LYRM4: variants seen among roughly 807,000 people sequenced by gnomAD.
The protein encoded by LYRM4 is LYR motif containing 4.
LYRM4 carries 9 observed loss-of-function variants against 11.7 expected under a neutral mutation model. The observed-to-expected ratio is 0.77, with a 90% CI of 0.46 to 1.34. The LOEUF (loss-of-function observed/expected upper bound fraction) is 1.34, where lower values mean the gene tolerates loss of function less well. Among genes scored for constraint, LYRM4 ranks in the 40% most tolerant of loss-of-function variants. The pLI is 0.00. For missense variants in LYRM4, 133 were observed against 112.5 expected (o/e 1.18, Z -0.82); for synonymous variants, 42 against 40.4 (o/e 1.04, Z -0.15).
At chr6:5,111,110 C>T (rs942491032) in intron 2 of LYRM4, among the ~76,000 whole-genome samples, 4 of 152,046 alleles carry the variant, frequency 2.6e-5, no homozygotes, top group East Asian at 1.9e-4. Flanking sequence ...TGTCCTCCAC[C>T]CTGAATAGTA....
intron 2 of LYRM4, among the ~76,000 whole-genome samples, chr6:5,145,333 C>T (rs573706991): frequency 3.4e-4 from 52 of 152,226 alleles, no homozygotes; most frequent in Non-Finnish European, 7.2e-4. Flanking sequence ...GTGGGGGGCA[C>T]GCGCCTGTGT....
intron 1 of LYRM4, among the ~76,000 whole-genome samples, chr6:5,223,232 CCA>C (rs1762689023): frequency 6.6e-6 from 1 of 152,314 alleles, no homozygotes; most frequent in Non-Finnish European, 1.5e-5. Context: ...GGGCTGCTTT[CCA>C]CAGTCATTTG....
chr6:5,036,942 CCT>C, the LYRM4 span, among the ~76,000 whole-genome samples: 1 of 151,976 alleles, frequency 6.6e-6, no homozygotes, highest in Non-Finnish European at 1.5e-5. Context: ...TTCAAAGTCC[CCT>C]GTTATCTAGG....
At chr6:5,035,477 C>T in the LYRM4 span, among the ~76,000 whole-genome samples, 15 of 151,070 alleles carry the variant, frequency 9.9e-5, no homozygotes, top group South Asian at 1.1e-3. Flanking sequence ...CAGCGGGATC[C>T]GTCACACTCT....
chr6:5,227,591 C>T (rs1762967647), intron 1 of LYRM4, among the ~76,000 whole-genome samples: 1 of 152,146 alleles, frequency 6.6e-6, no homozygotes, highest in Non-Finnish European at 1.5e-5. Context: ...CCTCAAGGAT[C>T]TAGAACCAGA....
In LYRM4 at chr6:5,162,021, G is replaced by GA. The variant is rs991227946; in HGVS notation, c.208-52531dup. On this transcript the variant is annotated intron_variant, in intron 2 of 2. Transcript: ENST00000330636. The stretch of plus-strand genomic sequence containing the variant: ...TTCCCAGGATTTACAACAACCCCCA[G>GA]AAAAAAAGTGTAAAAAGAACTCCTC... 1.9e-4 allele frequency among the ~76,000 whole-genome samples: 29 copies of GA among 152,126 alleles called. 1 individual carries two copies. The highest frequency in any genetic ancestry group is 1.6e-3 in the Admixed American group (25 of 15,278).
chr6:5,096,043 C>G, the LYRM4 span, among the ~76,000 whole-genome samples: 1 of 152,080 alleles, frequency 6.6e-6, no homozygotes, highest in Non-Finnish European at 1.5e-5. Context: ...AGTAGATTTC[C>G]TGATTTTGAC....
At chr6:5,127,656 G>T (rs1763757506) in intron 2 of LYRM4, among the ~76,000 whole-genome samples, 1 of 152,168 alleles carries the variant, frequency 6.6e-6, no homozygotes, top group East Asian at 1.9e-4. Context: ...TTGCTTAAAT[G>T]ACAATCTTTT....
the LYRM4 span, chr6:5,086,907 C>G: frequency 2.9e-6 from 1 of 347,158 alleles, no homozygotes. Flanking sequence ...AACTCCCGGG[C>G]ATGGTTCTAA....
intron 2 of LYRM4, among the ~76,000 whole-genome samples, chr6:5,216,110 T>C (rs1462980639): frequency 6.6e-6 from 1 of 152,164 alleles, no homozygotes; most frequent in East Asian, 1.9e-4. Flanking sequence ...TCCAGGTTCC[T>C]TTATGGGGTC....
intron 2 of LYRM4, among the ~76,000 whole-genome samples, chr6:5,214,472 A>C (rs1762155401): frequency 6.6e-6 from 1 of 152,182 alleles, no homozygotes; most frequent in Non-Finnish European, 1.5e-5. Flanking sequence ...GTCACGAAGC[A>C]AGAGCCTTGA....
downstream of LYRM4, among the ~76,000 whole-genome samples, chr6:5,099,674 C>T (rs1762442591): frequency 6.6e-6 from 1 of 152,096 alleles, no homozygotes; most frequent in Non-Finnish European, 1.5e-5. The surrounding 1 kb of genome is among the most constrained non-coding windows in gnomAD (Gnocchi z 4.3). Flanking sequence ...AACTCCTGGC[C>T]TCGAGCAATC....
the LYRM4 span, among the ~76,000 whole-genome samples, chr6:5,067,424 T>C: frequency 6.6e-6 from 1 of 152,234 alleles, no homozygotes; most frequent in East Asian, 1.9e-4. Context: ...TTAAATCCGC[T>C]TCCAAGGAGG....
At chr6:5,107,023 A>G (rs1762681655), downstream of LYRM4, 1 of 152,286 alleles carries the variant, frequency 6.6e-6, no homozygotes, top group Non-Finnish European at 1.5e-5. Context: ...TCAGTTGGGG[A>G]GTACCCAGTG....
chr6:5,064,963 G>A, the LYRM4 span, among the ~76,000 whole-genome samples: 1 of 152,062 alleles, frequency 6.6e-6, no homozygotes, highest in South Asian at 2.1e-4. Context: ...ATAATGTTAC[G>A]TATCCACCAT....
chr6:5,154,956 A>ACAAT (rs1177947862), intron 2 of LYRM4, among the ~76,000 whole-genome samples: 2 of 152,218 alleles, frequency 1.3e-5, no homozygotes, highest in African/African-American at 4.8e-5. Flanking sequence ...CTTTTAATAA[A>ACAAT]CAATGCCGTT....
intron 2 of LYRM4, among the ~76,000 whole-genome samples, chr6:5,211,546 T>G (rs754997259): frequency 1.3e-5 from 2 of 152,242 alleles, no homozygotes; most frequent in Non-Finnish European, 2.9e-5. Flanking sequence ...CCAATGATCT[T>G]TAATGGCTGT....
intron 1 of LYRM4, among the ~76,000 whole-genome samples, chr6:5,227,339 A>G (rs36040167): frequency 0.02 from 3,087 of 152,296 alleles, 106 homozygotes; most frequent in African/African-American, 0.068. Flanking sequence ...GCAGGCAGAG[A>G]AGGATCTATG....
chr6:5,094,833 C>T, the LYRM4 span, among the ~76,000 whole-genome samples: 1 of 152,030 alleles, frequency 6.6e-6, no homozygotes, highest in Non-Finnish European at 1.5e-5. Flanking sequence ...TAAAAGGGAT[C>T]GCTGAAGGGG....
Sources: allele counts gnomAD v4.1 joint callset (sites outside exome capture counted in the v4.1 genomes callset), GRCh38; gene constraint gnomAD v4.1.1; non-coding constraint Gnocchi (gnomAD v3.1); transcripts MANE v1.5; gene names NCBI Gene and HGNC (gene_info 2026-07-23, HGNC 2026-07-21).